SV2C: variants seen among roughly 807,000 people sequenced by gnomAD.
SV2C encodes the protein solute carrier family 22 member B3.
Under a neutral mutation model 79.7 loss-of-function variants are expected in SV2C, and 49 were observed. That is an observed-to-expected ratio of 0.61 (90% CI 0.49 to 0.78). SV2C has a LOEUF of 0.78. Ranked by LOEUF, SV2C falls within the 30% of genes least tolerant of loss-of-function variation. The probability of loss-of-function intolerance (pLI) is 0.00; values close to 1 mark genes in which losing one functional copy is unlikely to be tolerated. For synonymous variants in SV2C, 334 were observed against 333.2 expected, an observed-to-expected ratio of 1.00 and a Z score of -0.03; for missense variants, 833 against 912.9, an observed-to-expected ratio of 0.91 and a Z score of 1.13.
At chr5:75,944,709 C>T in the SV2C span, among the ~76,000 whole-genome samples, 1 of 152,112 alleles carries the variant, frequency 6.6e-6, no homozygotes, top group Admixed American at 6.6e-5. Context: ...AGAACTCTGG[C>T]AGAAATCATC....
At chr5:76,313,431 G>A (rs1248195857) in intron 12 of SV2C, among the ~76,000 whole-genome samples, 3 of 152,174 alleles carry the variant, frequency 2.0e-5, no homozygotes, top group Non-Finnish European at 4.4e-5. Flanking sequence ...AGTAGAGGGT[G>A]AAGGGGGTGG....
chr5:76,118,683 T>C (rs1322012840), intron 1 of SV2C, among the ~76,000 whole-genome samples: 1 of 145,658 alleles, frequency 6.9e-6, no homozygotes, highest in African/African-American at 2.8e-5. Flanking sequence ...ATATTATATA[T>C]TAAAAAAATC....
intron 1 of SV2C, among the ~76,000 whole-genome samples, chr5:76,107,363 A>T (rs1335942462): frequency 2.6e-5 from 4 of 152,226 alleles, no homozygotes; most frequent in Non-Finnish European, 5.9e-5. Flanking sequence ...TCTCTGACCT[A>T]CAATATACCT....
intron 2 of SV2C, among the ~76,000 whole-genome samples, chr5:76,188,365 G>C (rs146314979): frequency 6.6e-6 from 1 of 152,152 alleles, no homozygotes; most frequent in Non-Finnish European, 1.5e-5. Flanking sequence ...AGTAGGTACT[G>C]TTATTAGCCC....
At position 76,282,246 on chromosome 5, in the gene SV2C, A is replaced by G. The variant is rs188492112; in HGVS notation, c.914-2916A>G. 3.1e-3 allele frequency among the ~76,000 whole-genome samples: 474 copies of G among 152,382 alleles called. 2 individuals are homozygous for G. The highest frequency in any genetic ancestry group is 5.2e-3 in the Admixed American group (79 of 15,310). On this transcript the variant is annotated intron_variant, in intron 4 of 12. Transcript: ENST00000502798. ...ATATAATAAGCAAATTGATATAATAAGCAGATTGACATAATAAGCAAATTG... is the reference window on the plus strand; with the variant it reads ...ATATAATAAGCAAATTGATATAATAGGCAGATTGACATAATAAGCAAATTG...
At chr5:75,878,715 C>T in the SV2C span, among the ~76,000 whole-genome samples, 64 of 152,256 alleles carry the variant, frequency 4.2e-4, no homozygotes, top group Admixed American at 8.5e-4. Context: ...ACATACCCTA[C>T]TCTGGCCATA....
At chr5:75,967,017 C>A in the SV2C span, among the ~76,000 whole-genome samples, 1 of 152,044 alleles carries the variant, frequency 6.6e-6, no homozygotes, top group Non-Finnish European at 1.5e-5. Flanking sequence ...TATACACTAT[C>A]ATTACTTTGA....
chr5:76,073,509 A>ATATATATATATATATATATATATATG, the SV2C span, among the ~76,000 whole-genome samples: 2 of 69,298 alleles, frequency 2.9e-5, no homozygotes, highest in African/African-American at 1.5e-4. Flanking sequence ...GTGTGTATAT[A>ATATATATATATATATATATATATATG]TATATATATA....
the SV2C span, among the ~76,000 whole-genome samples, chr5:76,036,973 T>A: frequency 2.0e-5 from 3 of 152,200 alleles, no homozygotes; most frequent in African/African-American, 7.2e-5. Context: ...TAAACTTCCC[T>A]TCTTGCTTCA....
At chr5:75,913,844 A>G in the SV2C span, among the ~76,000 whole-genome samples, 1 of 152,330 alleles carries the variant, frequency 6.6e-6, no homozygotes, top group East Asian at 1.9e-4. Flanking sequence ...TTAGCCTACA[A>G]GTGAGGCTAA....
At chr5:75,984,540 T>G in the SV2C span, among the ~76,000 whole-genome samples, 1 of 65,714 alleles carries the variant, frequency 1.5e-5, no homozygotes, top group Non-Finnish European at 4.8e-5. Flanking sequence ...TATCTGCCTA[T>G]CTATCTATCT....
the SV2C span, among the ~76,000 whole-genome samples, chr5:76,033,890 T>G: frequency 6.6e-6 from 1 of 151,636 alleles, no homozygotes; most frequent in African/African-American, 2.4e-5. Flanking sequence ...GCATGGAATG[T>G]TCTTCCATTT....
At chr5:76,007,114 G>T in the SV2C span, among the ~76,000 whole-genome samples, 31 of 152,222 alleles carry the variant, frequency 2.0e-4, no homozygotes, top group African/African-American at 7.2e-4. Context: ...GAGTGTCAGA[G>T]AAATGATTTG....
In SV2C at chr5:76,209,799, G is replaced by A. The variant is rs1161325927; in HGVS notation, c.825G>A (p.Arg275=). The A allele has an allele frequency of 9.9e-6, 16 of 1,614,100 alleles. No homozygotes were observed. The highest frequency in any genetic ancestry group is 1.4e-5 in the Non-Finnish European group (16 of 1,180,042). The change falls in exon 4 of 13, where the codon CGG becomes CGA. Residue 275 remains arginine (R), a synonymous_variant. Transcript: ENST00000502798. ...CTGAAGTCCTGGCCCGGGAAAAGCGGGGCGAACACTTGAGCTGGCTCTGCA... is the reference window on the plus strand; with the variant it reads ...CTGAAGTCCTGGCCCGGGAAAAGCGAGGCGAACACTTGAGCTGGCTCTGCA... The part of the protein sequence containing the change: ...YFAEVLAREK[R]GEHLSWLCMF...
At chr5:76,166,882 G>A (rs1333289900) in intron 2 of SV2C, among the ~76,000 whole-genome samples, 1 of 152,190 alleles carries the variant, frequency 6.6e-6, no homozygotes, top group East Asian at 1.9e-4. Flanking sequence ...AGGGTAAAGA[G>A]TCCTTCTCTT....
the SV2C span, among the ~76,000 whole-genome samples, chr5:75,946,842 T>A: frequency 1.3e-5 from 2 of 152,122 alleles, no homozygotes; most frequent in Admixed American, 6.6e-5. Context: ...TGCTCATAGG[T>A]ACATGACTCT....
chr5:75,877,107 T>C, the SV2C span, among the ~76,000 whole-genome samples: 1 of 151,680 alleles, frequency 6.6e-6, no homozygotes, highest in Non-Finnish European at 1.5e-5. Flanking sequence ...TAAAAAGACA[T>C]ATTATCAAAA....
chr5:76,102,810 A>G (rs889513952), intron 1 of SV2C, among the ~76,000 whole-genome samples: 5 of 152,154 alleles, frequency 3.3e-5, no homozygotes, highest in East Asian at 1.9e-4. Context: ...TACGTTATTA[A>G]TCACTCAGAA....
At chr5:76,304,414 G>A (rs1748117555) in intron 12 of SV2C, among the ~76,000 whole-genome samples, 1 of 152,152 alleles carries the variant, frequency 6.6e-6, no homozygotes. Context: ...GCTATTAGAG[G>A]AAAATCCCAA....
Sources: allele counts gnomAD v4.1 joint callset (sites outside exome capture counted in the v4.1 genomes callset), GRCh38; gene constraint gnomAD v4.1.1; transcripts MANE v1.5; gene names NCBI Gene and HGNC (gene_info 2026-07-23, HGNC 2026-07-21).